HNRNPH1: variants seen among roughly 807,000 people sequenced by gnomAD.
The protein encoded by HNRNPH1 is heterogeneous nuclear ribonucleoprotein H.
A neutral mutation model predicts 58.6 loss-of-function variants in HNRNPH1; 4 were observed. The observed-to-expected ratio is 0.07, with a 90% CI of 0.03 to 0.16. The LOEUF (loss-of-function observed/expected upper bound fraction) is 0.16, where lower values mean the gene tolerates loss of function less well. Among genes scored for constraint, HNRNPH1 ranks in the 10% least tolerant of loss-of-function variants. HNRNPH1 has a pLI of 1.00. For synonymous variants in HNRNPH1, 192 were observed against 189.2 expected, an observed-to-expected ratio of 1.01 and a Z score of -0.12; for missense variants, 271 against 564.2, an observed-to-expected ratio of 0.48 and a Z score of 5.26.
At chr5:179,628,699 G>A (rs1056530748), upstream of HNRNPH1, among the ~76,000 whole-genome samples, 6 of 152,162 alleles carry the variant, frequency 3.9e-5, no homozygotes, top group African/African-American at 1.4e-4. Flanking sequence ...TAGCTCTCTG[G>A]GAGGCCATGG....
intron 12 of HNRNPH1, chr5:179,615,232 G>A: frequency 2.4e-6 from 1 of 422,970 alleles, no homozygotes; most frequent in Non-Finnish European, 4.2e-6. Context: ...GAAAACTAGT[G>A]TTTTTCAAAA....
intron 11 of HNRNPH1, 170 bp from the exon 13 acceptor site, chr5:179,615,765 A>G: frequency 1.9e-6 from 1 of 526,788 alleles, no homozygotes; most frequent in South Asian, 3.1e-5. Flanking sequence ...AAACTGACTT[A>G]ATGCTAACCA....
exon 1 of HNRNPH1, chr5:179,623,663 G>C (rs548610119): frequency 6.5e-6 from 1 of 152,950 alleles, no homozygotes. Context: ...GCGTGGCTAA[G>C]ACGAAATGGC....
rs753422989 is a variant in HNRNPH1 at position 179,618,343 on chromosome 5, G to C, written c.537-20C>G. On this transcript the variant is annotated intron_variant, in intron 4 of 12. Transcript: ENST00000356731. Reference sequence around the variant, plus strand: ...ATATACCTAAAGCATTGTTCATAAGGAAGGGGTAGGGAGGGGAGAGAAAAC... The same window carrying C: ...ATATACCTAAAGCATTGTTCATAAGCAAGGGGTAGGGAGGGGAGAGAAAAC... 4.5e-6 allele frequency: 7 copies of C among 1,571,096 alleles called. No homozygotes were observed. In the South Asian group the frequency reaches 4.6e-5, roughly 10 times the overall value.
intron 1 of HNRNPH1, among the ~76,000 whole-genome samples, chr5:179,622,479 G>A (rs1222353127): frequency 6.6e-6 from 1 of 152,206 alleles, no homozygotes; most frequent in Non-Finnish European, 1.5e-5. Flanking sequence ...GGGAAACCGA[G>A]GTGGGCGGAT....
intron 12 of HNRNPH1, chr5:179,615,222 G>A (rs944154926): frequency 2.3e-6 from 1 of 430,272 alleles, no homozygotes; most frequent in African/African-American, 2.0e-5. Flanking sequence ...AAGTTTAAAG[G>A]AAAACTAGTG....
intron 8 of HNRNPH1, 180 bp from the exon 10 acceptor site, chr5:179,617,290 T>C: frequency 4.1e-6 from 3 of 740,190 alleles, no homozygotes; most frequent in Non-Finnish European, 6.6e-6. Flanking sequence ...CATATTCATC[T>C]GTATTGTCAA....
chr5:179,631,683 G>A (rs1353448658), intron 2 of HNRNPH1, among the ~76,000 whole-genome samples: 5 of 151,996 alleles, frequency 3.3e-5, no homozygotes, highest in Non-Finnish European at 5.9e-5. Context: ...AGAATTGGAC[G>A]TTGCGATGAG....
intron 1 of HNRNPH1, chr5:179,621,720 T>G: frequency 2.5e-6 from 1 of 398,536 alleles, no homozygotes; most frequent in Non-Finnish European, 4.7e-6. Context: ...CTGGACTGTG[T>G]GACTTTACGG....
upstream of HNRNPH1, among the ~76,000 whole-genome samples, chr5:179,626,072 TG>T (rs1339529886): frequency 6.6e-6 from 1 of 151,460 alleles, no homozygotes; most frequent in Non-Finnish European, 1.5e-5. Context: ...GGATTACAGG[TG>T]TGAGCCACCA....
At chr5:179,616,525 CCT>C in intron 10 of HNRNPH1, 1 of 514,032 alleles carries the variant, frequency 1.9e-6, no homozygotes, top group Non-Finnish European at 3.5e-6. Context: ...GTGGGTTCCC[CCT>C]CAGTTTGATA....
exon 3 of HNRNPH1, chr5:179,620,899 G>A (rs2127671660): frequency 9.9e-6 from 16 of 1,614,042 alleles, no homozygotes; most frequent in South Asian, 2.2e-5. Flanking sequence ...TACCTGAGAA[G>A]AACTGAACAA....
At chr5:179,632,340 C>T (rs1774911179) in intron 2 of HNRNPH1, among the ~76,000 whole-genome samples, 1 of 152,054 alleles carries the variant, frequency 6.6e-6, no homozygotes, top group Non-Finnish European at 1.5e-5. Flanking sequence ...AAAAGGGCGT[C>T]TCGGTTAGAG....
At chr5:179,615,641 A>C in intron 11 of HNRNPH1, 46 bp from the exon 13 acceptor site, 1 of 989,222 alleles carries the variant, frequency 1.0e-6, no homozygotes. Flanking sequence ...CAAAATCACC[A>C]TTCTTTAGAC....
chr5:179,632,118 A>G (rs975813058), intron 2 of HNRNPH1, among the ~76,000 whole-genome samples: 18 of 151,976 alleles, frequency 1.2e-4, no homozygotes, highest in Non-Finnish European at 2.4e-4. Flanking sequence ...CATCCCGGCT[A>G]ACACGGTGAA....
intron 4 of HNRNPH1, 46 bp from the exon 6 acceptor site, chr5:179,618,369 A>T: frequency 7.4e-7 from 1 of 1,342,774 alleles, no homozygotes; most frequent in Non-Finnish European, 1.0e-6. Flanking sequence ...GAGAGAAAAC[A>T]TTAGTTCATT....
intron 1 of HNRNPH1, chr5:179,621,823 A>G: frequency 2.6e-6 from 1 of 387,652 alleles, no homozygotes; most frequent in South Asian, 1.8e-5. Flanking sequence ...TCAAATTCAA[A>G]TTACAAGCCC....
chr5:179,616,036 G>A (rs1473777502), intron 11 of HNRNPH1, 90 bp downstream of exon 12: 18 of 1,157,362 alleles, frequency 1.6e-5, no homozygotes, highest in African/African-American at 4.5e-5. Flanking sequence ...TCTAAGTACA[G>A]TAACAGGCTT....
intron 4 of HNRNPH1, 199 bp from the exon 6 acceptor site, chr5:179,618,522 GAAA>G (rs750930795): frequency 6.9e-5 from 20 of 289,032 alleles, no homozygotes; most frequent in African/African-American, 1.5e-4. Context: ...AAACTTTATA[GAAA>G]AAAAAAAAAA....
Sources: allele counts gnomAD v4.1 joint callset (sites outside exome capture counted in the v4.1 genomes callset), GRCh38; gene constraint gnomAD v4.1.1; transcripts MANE v1.5; gene names NCBI Gene and HGNC (gene_info 2026-07-23, HGNC 2026-07-21).